The following LRRC8C variants were observed in gnomAD, a reference collection of about 807,000 sequenced individuals.
The protein encoded by LRRC8C is leucine rich repeat containing 8 VRAC subunit C.
A neutral mutation model predicts 55.3 loss-of-function variants in LRRC8C; 20 were observed. The observed-to-expected ratio is 0.36, with a 90% CI of 0.25 to 0.53. The LOEUF is 0.53. LRRC8C is among the 20% of genes least tolerant of loss of function. The pLI is 0.92. For synonymous variants in LRRC8C, 376 were observed against 360.7 expected (o/e 1.04, Z -0.48); for missense variants, 659 against 951.4 (o/e 0.69, Z 4.04).
Position 89,690,895 on chromosome 1 carries a change from C to T in LRRC8C, c.138+4284C>T, listed in dbSNP as rs538783891. On this transcript the variant is annotated intron_variant, in intron 2 of 2. Coordinates refer to ENST00000370454, the MANE Select transcript of LRRC8C (RefSeq NM_032270.5). ...GGGCCCTTCACACATAGGCCTTTTTCATCTCTTCAGCCGTTAAAAAGAAAT... is the reference window on the plus strand; with the variant it reads ...GGGCCCTTCACACATAGGCCTTTTTTATCTCTTCAGCCGTTAAAAAGAAAT... 2.0e-5 allele frequency among the ~76,000 whole-genome samples: 3 copies of T among 152,292 alleles called. No homozygotes were observed. In the East Asian group the frequency reaches 5.8e-4, roughly 29 times the overall value.
At chr1:89,665,518 ATAATT>A (rs779617637) in intron 1 of LRRC8C, among the ~76,000 whole-genome samples, 2 of 152,190 alleles carry the variant, frequency 1.3e-5, no homozygotes, top group Admixed American at 6.5e-5. Context: ...GCAAAATATA[ATAATT>A]TAATAGCAAA....
intron 2 of LRRC8C, among the ~76,000 whole-genome samples, chr1:89,709,964 G>T (rs967274362): frequency 6.6e-6 from 1 of 152,124 alleles, no homozygotes; most frequent in African/African-American, 2.4e-5. Context: ...TGTTAGCCAA[G>T]GTGGTCTGGA....
At chr1:89,692,088 A>G (rs74098172) in intron 2 of LRRC8C, among the ~76,000 whole-genome samples, 79 of 152,366 alleles carry the variant, frequency 5.2e-4, no homozygotes, top group African/African-American at 1.9e-3. Context: ...TAGCTCTGCT[A>G]TGATAATCCA....
In LRRC8C at chr1:89,636,588, G is replaced by A. The variant is rs530233000; in HGVS notation, c.-5+3266G>A. On this transcript the variant is annotated intron_variant, in intron 1 of 2. Coordinates refer to ENST00000370454, the MANE Select transcript of LRRC8C (RefSeq NM_032270.5). The stretch of plus-strand genomic sequence containing the variant: ...TCTCTTAGCCTTGTATATCACTCAG[G>A]GTACCATGACAATGCCAGTCTCTCC... 2.0e-5 allele frequency among the ~76,000 whole-genome samples: 3 copies of A among 151,918 alleles called. No individual in the cohort carries two copies. The South Asian group carries it at 6.2e-4, about 32-fold the overall frequency.
chr1:89,671,971 C>A (rs982945509), intron 1 of LRRC8C, among the ~76,000 whole-genome samples: 2 of 152,182 alleles, frequency 1.3e-5, no homozygotes, highest in African/African-American at 4.8e-5. Flanking sequence ...TGTCTCAGAT[C>A]ATCTGGACTG....
At position 89,712,819 on chromosome 1, in the gene LRRC8C, A is replaced by G. The variant is rs1205286928; in HGVS notation, c.249A>G (p.Pro83=). The stretch of plus-strand genomic sequence containing the variant: ...TTGCCAGTACCACTCCACTGCCTCC[A>G]CCTAAACCATCTCCTGCTAACCCCA... ...QAVASTTPLP[P]PKPSPANPIT... Residue 83 remains proline, a synonymous_variant, in exon 3 of 3, where the codon CCA becomes CCG. Transcript: ENST00000370454. 1.2e-6 allele frequency: 2 copies of G among 1,614,016 alleles called. No homozygotes were observed. The highest frequency in any genetic ancestry group is 1.3e-5 in the African/African-American group (1 of 74,888).
chr1:89,666,758 CTCATT>C (rs1207139764), intron 1 of LRRC8C, among the ~76,000 whole-genome samples: 2 of 152,152 alleles, frequency 1.3e-5, no homozygotes, highest in Admixed American at 1.3e-4. Context: ...ATGCTCATTT[CTCATT>C]TCATTGGTTC....
intron 1 of LRRC8C, chr1:89,661,480 T>C (rs1379273028): frequency 5.3e-6 from 1 of 189,018 alleles, no homozygotes; most frequent in South Asian, 1.1e-4. Flanking sequence ...GGCCTCCGAT[T>C]GGAAAGGAGA....
At chr1:89,680,896 A>G (rs954754252) in intron 1 of LRRC8C, among the ~76,000 whole-genome samples, 1 of 152,146 alleles carries the variant, frequency 6.6e-6, no homozygotes, top group Non-Finnish European at 1.5e-5. Context: ...ATGAATCTGA[A>G]TGTCTGCAAA....
intron 2 of LRRC8C, among the ~76,000 whole-genome samples, chr1:89,705,425 A>G (rs928566154): frequency 6.6e-6 from 1 of 151,910 alleles, no homozygotes; most frequent in African/African-American, 2.4e-5. Context: ...AAGTATAATA[A>G]TAATAATAAA....
chr1:89,629,751 G>A (rs1289320036), upstream of LRRC8C: 1 of 152,258 alleles, frequency 6.6e-6, no homozygotes, highest in Admixed American at 6.5e-5. Context: ...TAGTGAAGAG[G>A]CATGTAAAGA....
intron 1 of LRRC8C, among the ~76,000 whole-genome samples, chr1:89,659,035 G>C (rs977534233): frequency 7.0e-6 from 1 of 143,456 alleles, no homozygotes; most frequent in Admixed American, 7.1e-5. Flanking sequence ...ATTTTAGGTT[G>C]TGTCTTCTCC....
At position 89,694,924 on chromosome 1, in the gene LRRC8C, C is replaced by CTT. The variant is rs113354519; in HGVS notation, c.138+8329_138+8330dup. On this transcript the variant is annotated intron_variant, in intron 2 of 2. Coordinates refer to ENST00000370454, the MANE Select transcript of LRRC8C (RefSeq NM_032270.5). Reference sequence around the variant, plus strand: ...CCTGTTTCTAATAAAAGTATAAAGACTTTTTTTTTTTTTTTTTGATACAGA... The same window carrying CTT: ...CCTGTTTCTAATAAAAGTATAAAGACTTTTTTTTTTTTTTTTTTTGATACAGA... Among the ~76,000 whole-genome samples the CTT allele has an allele frequency of 2.9e-3, 373 of 128,290 alleles. 4 individuals carry two copies. Among genetic ancestry groups the CTT allele is most frequent in the African/African-American group, 9.7e-3 (323 of 33,154 alleles). 84.2% of individuals were successfully genotyped at this position (128,290 alleles called of 152,430 possible).
At chr1:89,634,356 A>T (rs1656220849) in intron 1 of LRRC8C, among the ~76,000 whole-genome samples, 1 of 152,190 alleles carries the variant, frequency 6.6e-6, no homozygotes, top group African/African-American at 2.4e-5. Flanking sequence ...GGAGGCTTGA[A>T]TTACCTCCAT....
At chr1:89,636,595 T>C (rs1164035891) in intron 1 of LRRC8C, among the ~76,000 whole-genome samples, 2 of 152,098 alleles carry the variant, frequency 1.3e-5, no homozygotes, top group African/African-American at 4.8e-5. Context: ...CAGGGTACCA[T>C]GACAATGCCA....
chr1:89,710,297 G>T (rs976106760), intron 2 of LRRC8C, among the ~76,000 whole-genome samples: 1 of 152,050 alleles, frequency 6.6e-6, no homozygotes, highest in Non-Finnish European at 1.5e-5. Flanking sequence ...GCTTTCTCCT[G>T]GTGGTTTTGT....
intron 2 of LRRC8C, among the ~76,000 whole-genome samples, chr1:89,687,078 A>C (rs1384253240): frequency 6.6e-6 from 1 of 152,226 alleles, no homozygotes; most frequent in Non-Finnish European, 1.5e-5. Context: ...GAACCCAATA[A>C]AAATTTATGT....
chr1:89,696,064 T>C (rs887885250), intron 2 of LRRC8C, among the ~76,000 whole-genome samples: 4 of 152,232 alleles, frequency 2.6e-5, no homozygotes, highest in Non-Finnish European at 4.4e-5. Context: ...GGCATCTTCA[T>C]ATAGTCATAA....
At chr1:89,673,986 TC>T (rs1302180867) in intron 1 of LRRC8C, among the ~76,000 whole-genome samples, 1 of 152,178 alleles carries the variant, frequency 6.6e-6, no homozygotes, top group Non-Finnish European at 1.5e-5. Flanking sequence ...GAAAGAACGT[TC>T]CAGTTGTAGG....
Sources: gnomAD v4.1 joint callset for allele counts (sites outside exome capture counted in the v4.1 genomes callset) on GRCh38, gnomAD v4.1.1 for gene constraint, MANE v1.5 for transcripts, NCBI Gene and HGNC (gene_info 2026-07-23, HGNC 2026-07-21) for gene names.